Variants in TNR observed in about 807,000 individuals in gnomAD.
TNR encodes tenascin-R.
In TNR, 45 loss-of-function variants were observed where a neutral mutation model predicts 150.4. That is an observed-to-expected ratio of 0.30 (90% CI 0.24 to 0.38). The LOEUF (loss-of-function observed/expected upper bound fraction) is 0.38. TNR is among the 10% of genes least tolerant of loss of function. The pLI is 1.00. For missense variants in TNR, 1,544 were observed against 1,759.1 expected (o/e 0.88, Z 2.19); for synonymous variants, 687 against 678.4 (o/e 1.01, Z -0.20).
In TNR at chr1:175,320,651, A is replaced by C. The variant is rs909254769; in HGVS notation, c.*2706T>G. 6 of 151,610 alleles carry C rather than the reference A, an allele frequency of 4.0e-5. No individual in the cohort carries two copies. The highest frequency in any genetic ancestry group is 1.5e-4 in the African/African-American group (6 of 41,118). The allele number at this position is 151,610 out of a possible 1,614,324, so 9.4% of individuals were successfully genotyped here. A position where few individuals can be genotyped will look rare whatever the true frequency, so the allele number is the denominator to read the frequency against. Reference sequence around the variant, plus strand: ...ACCTGGTCTCTGTTTTTATGGACAAAAAGAGTTCAGCCTCTCACTCGGCAT... The same window carrying C: ...ACCTGGTCTCTGTTTTTATGGACAACAAGAGTTCAGCCTCTCACTCGGCAT... On this transcript the variant is annotated 3_prime_UTR_variant, in exon 23 of 23. Coordinates refer to ENST00000367674, the MANE Select transcript of TNR (RefSeq NM_003285.3).
intron 1 of TNR, among the ~76,000 whole-genome samples, chr1:175,696,581 C>G (rs1466777344): frequency 6.6e-6 from 1 of 152,098 alleles, no homozygotes; most frequent in Non-Finnish European, 1.5e-5. Flanking sequence ...TCTGAGAGAG[C>G]AACCCTAGAG....
In TNR at chr1:175,370,338, C is replaced by CTTTTTTTTTTTTTTTTTTTT. The variant is rs55795922; in HGVS notation, c.1964-3061_1964-3042dup. 1.3e-3 allele frequency among the ~76,000 whole-genome samples: 58 copies of CTTTTTTTTTTTTTTTTTTTT among 42,970 alleles called. 8 individuals are homozygous for CTTTTTTTTTTTTTTTTTTTT. Among genetic ancestry groups the CTTTTTTTTTTTTTTTTTTTT allele is most frequent in the African/African-American group, 4.3e-3 (51 of 11,800 alleles). The allele number at this position is 42,970 out of a possible 152,430, so 28.2% of individuals were successfully genotyped here. The stretch of plus-strand genomic sequence containing the variant: ...GAGAACTATTCCTGGATTTTGAGTA[C>CTTTTTTTTTTTTTTTTTTTT]TTTTTTTTTTTTTTTTTTTTTTTTT... On this transcript the variant is annotated intron_variant, in intron 9 of 22. Transcript: ENST00000367674.
rs540393979 is a variant in TNR at position 175,448,752 on chromosome 1, A to C, written c.-63-41975T>G. ...GCTTCCGATATTCACTTTCGTGACCACTAGAAGTCCACCAGCAAACCTGTG... is the reference window on the plus strand; with the variant it reads ...GCTTCCGATATTCACTTTCGTGACCCCTAGAAGTCCACCAGCAAACCTGTG... On this transcript the variant is annotated intron_variant, in intron 2 of 22. Coordinates refer to ENST00000367674, the MANE Select transcript of TNR (RefSeq NM_003285.3). 6.3e-4 allele frequency among the ~76,000 whole-genome samples: 96 copies of C among 152,332 alleles called. 1 individual carries two copies. Among genetic ancestry groups the C allele is most frequent in the African/African-American group, 2.3e-3 (96 of 41,576 alleles).
At chr1:175,401,875 C>G (rs1229560505) in intron 4 of TNR, among the ~76,000 whole-genome samples, 1 of 152,178 alleles carries the variant, frequency 6.6e-6, no homozygotes, top group Non-Finnish European at 1.5e-5. Flanking sequence ...CCAGTGGGCT[C>G]TCTGAGCCCT....
intron 17 of TNR, among the ~76,000 whole-genome samples, chr1:175,355,181 C>T (rs1472243396): frequency 6.6e-6 from 1 of 152,170 alleles, no homozygotes; most frequent in Non-Finnish European, 1.5e-5. Flanking sequence ...ATTGGAAGCA[C>T]CAGCACAACC....
chr1:175,527,248 G>A (rs111999793), intron 2 of TNR, among the ~76,000 whole-genome samples: 5,024 of 152,260 alleles, frequency 0.033, 102 homozygotes, highest in Middle Eastern at 0.037. Context: ...GATAGCCAGC[G>A]TGATGTGATG....
intron 21 of TNR, among the ~76,000 whole-genome samples, chr1:175,325,685 G>A (rs572783651): frequency 1.3e-5 from 2 of 152,206 alleles, no homozygotes; most frequent in Non-Finnish European, 2.9e-5. Flanking sequence ...ATACTATGCA[G>A]CCATAAAAAA....
intron 1 of TNR, among the ~76,000 whole-genome samples, chr1:175,725,997 C>A (rs566926385): frequency 6.6e-6 from 1 of 152,216 alleles, no homozygotes; most frequent in South Asian, 2.1e-4. Flanking sequence ...ATAAAAACTG[C>A]AATGAGAAAA....
intron 5 of TNR, among the ~76,000 whole-genome samples, chr1:175,394,296 G>A (rs1391965679): frequency 1.3e-5 from 2 of 152,176 alleles, no homozygotes; most frequent in Non-Finnish European, 2.9e-5. Context: ...ACTCCCGGGA[G>A]GTACTATGAT....
intron 1 of TNR, among the ~76,000 whole-genome samples, chr1:175,682,429 A>G (rs1395746423): frequency 6.6e-6 from 1 of 152,046 alleles, no homozygotes; most frequent in Non-Finnish European, 1.5e-5. Flanking sequence ...TGCAGCCTCC[A>G]GAGCCTCCAC....
intron 2 of TNR, among the ~76,000 whole-genome samples, chr1:175,476,288 A>G (rs1034870671): frequency 2.0e-5 from 3 of 152,202 alleles, no homozygotes; most frequent in Non-Finnish European, 4.4e-5. Flanking sequence ...ACACATCTAT[A>G]AAATGGGCTT....
At position 175,647,838 on chromosome 1, in the gene TNR, A is replaced by G. The variant is rs569240070; in HGVS notation, c.-165+95388T>C. 7.9e-4 allele frequency among the ~76,000 whole-genome samples: 121 copies of G among 152,224 alleles called. 1 individual carries two copies. Among genetic ancestry groups the G allele is most frequent in the African/African-American group, 2.7e-3 (113 of 41,514 alleles). On this transcript the variant is annotated intron_variant, in intron 1 of 22. Coordinates refer to ENST00000367674, the MANE Select transcript of TNR (RefSeq NM_003285.3). ...ATGACCCCATCAGTTTCTTCTTTCA[A>G]TTAATTGGCATGGTTTCTTCTCCAA... is the stretch of plus-strand genomic sequence containing the variant.
chr1:175,613,785 C>G (rs1246735497), intron 1 of TNR, among the ~76,000 whole-genome samples: 1 of 152,186 alleles, frequency 6.6e-6, no homozygotes, highest in Admixed American at 6.5e-5. Flanking sequence ...CAGAATTTGG[C>G]CTCCTGCATA....
chr1:175,540,788 T>G (rs1660472038), intron 1 of TNR, among the ~76,000 whole-genome samples: 1 of 152,122 alleles, frequency 6.6e-6, no homozygotes, highest in Non-Finnish European at 1.5e-5. Flanking sequence ...CTCACTGGGT[T>G]TCCTACTTCC....
intron 1 of TNR, among the ~76,000 whole-genome samples, chr1:175,529,662 T>C (rs1038560711): frequency 1.3e-5 from 2 of 152,214 alleles, no homozygotes; most frequent in African/African-American, 4.8e-5. Flanking sequence ...GTAATTTAGA[T>C]GGTAGCTGCC....
intron 21 of TNR, among the ~76,000 whole-genome samples, chr1:175,328,389 C>A (rs1042815152): frequency 3.9e-5 from 6 of 152,174 alleles, no homozygotes; most frequent in African/African-American, 1.4e-4. Context: ...AAAGGCTGAA[C>A]TTGGATCGGA....
intron 2 of TNR, among the ~76,000 whole-genome samples, chr1:175,423,060 C>T (rs925342976): frequency 6.6e-6 from 1 of 152,152 alleles, no homozygotes; most frequent in African/African-American, 2.4e-5. Context: ...TTGAGCAAGT[C>T]GTGTGACTGC....
At chr1:175,601,344 AAACT>A (rs1663227832) in intron 1 of TNR, among the ~76,000 whole-genome samples, 1 of 152,204 alleles carries the variant, frequency 6.6e-6, no homozygotes, top group East Asian at 1.9e-4. Flanking sequence ...CTATTACACA[AAACT>A]TAGTCTTTCA....
intron 7 of TNR, among the ~76,000 whole-genome samples, chr1:175,388,777 T>C (rs978476380): frequency 6.6e-6 from 1 of 152,242 alleles, no homozygotes; most frequent in African/African-American, 2.4e-5. Flanking sequence ...ATTAAGGACA[T>C]TTTTTCTTAA....
Sources: allele counts gnomAD v4.1 joint callset (sites outside exome capture counted in the v4.1 genomes callset), GRCh38; gene constraint gnomAD v4.1.1; transcripts MANE v1.5; gene names NCBI Gene and HGNC (gene_info 2026-07-23, HGNC 2026-07-21).